DDX60L: variants seen among roughly 807,000 people sequenced by gnomAD.
DDX60L encodes the protein probable ATP-dependent RNA helicase DDX60-like.
A neutral mutation model predicts 211.6 loss-of-function variants in DDX60L; 191 were observed. The observed-to-expected ratio is 0.90, with a 90% CI of 0.80 to 1.02. The LOEUF (loss-of-function observed/expected upper bound fraction) is 1.02. Ranked by LOEUF, DDX60L falls within the 50% of genes least tolerant of loss-of-function variation. The probability of loss-of-function intolerance (pLI) is 0.00; values close to 1 mark genes in which losing one functional copy is unlikely to be tolerated. For synonymous variants in DDX60L, 706 were observed against 694.1 expected, an observed-to-expected ratio of 1.02 and a Z score of -0.27; for missense variants, 2,007 against 1,984.1, an observed-to-expected ratio of 1.01 and a Z score of -0.22.
rs200166308 is a variant in DDX60L, at chr4:168,361,164, T to C, written c.4976A>G (p.Asn1659Ser). The C allele has an allele frequency of 1.1e-4, 176 of 1,608,064 alleles. No homozygotes were observed. The highest frequency in any genetic ancestry group is 3.3e-4 in the Middle Eastern group (2 of 6,064). ...LLKCLKDFAF[N>S]IQAISDSLSE... The stretch of plus-strand genomic sequence containing the variant: ...TGAAACATACCTGATAGCCTGAATG[T>C]TGAATGCAAAATCTTTCAAACACTT... The change falls in exon 37 of 38, where the codon AAC becomes AGC. Residue 1659 changes from asparagine (N) to serine (S), a missense_variant. By Grantham distance (46) the Asn-to-Ser change is conservative. Coordinates refer to ENST00000682922, the MANE Select transcript of DDX60L (RefSeq NM_001012967.3).
At chr4:168,431,678 T>A (rs1752379767) in intron 12 of DDX60L, among the ~76,000 whole-genome samples, 2 of 151,858 alleles carry the variant, frequency 1.3e-5, no homozygotes, top group African/African-American at 4.8e-5. Context: ...ATTGTGCACA[T>A]GTACCCTAAA....
chr4:168,404,093 A>T lies in DDX60L; in HGVS notation c.3227T>A (p.Leu1076Gln), dbSNP rs1747319571. Reference sequence around the variant, plus strand: ...CAATGAATCCGGACTAAGGTTCTTCAGTACTCTTTTGACCTACAACAGTAA... The same window carrying T: ...CAATGAATCCGGACTAAGGTTCTTCTGTACTCTTTTGACCTACAACAGTAA... The part of the protein sequence containing the change: ...NGQVKKVKRV[L>Q]KNLSPDSLSS... Residue 1076 changes from leucine to glutamine, a missense_variant, in exon 25 of 38, where the codon CTG (leucine) becomes CAG (glutamine). By Grantham distance (113) the Leu-to-Gln change is moderately radical (BLOSUM62 -2). Coordinates refer to ENST00000682922, the MANE Select transcript of DDX60L (RefSeq NM_001012967.3). 7.2e-7 allele frequency: 1 copy of T among 1,390,540 alleles called. No individual in the cohort carries two copies. Among genetic ancestry groups the T allele is most frequent in the South Asian group, 1.8e-5 (1 of 54,482 alleles). 86.1% of individuals were successfully genotyped at this position (1,390,540 alleles called of 1,614,324 possible).
At chr4:168,358,894 A>G (rs1166222268) in intron 37 of DDX60L, among the ~76,000 whole-genome samples, 1 of 152,206 alleles carries the variant, frequency 6.6e-6, no homozygotes, top group African/African-American at 2.4e-5. Flanking sequence ...CTTAGAACCT[A>G]GAAGTGTTAT....
intron 34 of DDX60L, among the ~76,000 whole-genome samples, chr4:168,374,270 C>A (rs1445902789): frequency 6.6e-6 from 1 of 152,116 alleles, no homozygotes; most frequent in African/African-American, 2.4e-5. Context: ...TCCTTGCTTC[C>A]ACCATTATTG....
intron 28 of DDX60L, among the ~76,000 whole-genome samples, chr4:168,394,109 T>C (rs759786825): frequency 2.0e-5 from 3 of 151,796 alleles, no homozygotes; most frequent in Non-Finnish European, 2.9e-5. Context: ...AGTAGGAAAA[T>C]TGATTGACGC....
At chr4:168,375,126 T>C (rs1741715078) in intron 34 of DDX60L, among the ~76,000 whole-genome samples, 1 of 147,784 alleles carries the variant, frequency 6.8e-6, no homozygotes, top group Non-Finnish European at 1.5e-5. Context: ...CATGAATGAC[T>C]TTTATTTTTT....
intron 36 of DDX60L, among the ~76,000 whole-genome samples, chr4:168,367,550 G>T (rs1224761786): frequency 6.6e-6 from 1 of 152,164 alleles, no homozygotes; most frequent in African/African-American, 2.4e-5. Context: ...ACAGTAAATT[G>T]GTACCAGTAG....
intron 12 of DDX60L, among the ~76,000 whole-genome samples, chr4:168,431,176 C>T (rs1380735565): frequency 1.3e-5 from 2 of 152,160 alleles, no homozygotes; most frequent in African/African-American, 2.4e-5. Flanking sequence ...TAGGAGCTTA[C>T]AGCTGACAGA....
Position 168,381,586 on chromosome 4 carries a change from TAA to T in DDX60L, c.4117-1758_4117-1757del, listed in dbSNP as rs5863928. 2.3e-4 allele frequency among the ~76,000 whole-genome samples: 35 copies of T among 149,820 alleles called. No individual in the cohort carries two copies. In the South Asian group the frequency reaches 2.7e-3, roughly 12 times the overall value. On this transcript the variant is annotated intron_variant, in intron 30 of 37. Coordinates refer to ENST00000682922, the MANE Select transcript of DDX60L (RefSeq NM_001012967.3). ...TATGATAAACACTATCAATTTTTTT[TAA>T]AAAAAAAAACTATAACTAGAAACTT...
intron 4 of DDX60L, chr4:168,468,864 C>G (rs554735191): frequency 6.6e-6 from 1 of 152,106 alleles, no homozygotes; most frequent in East Asian, 1.9e-4. Context: ...ATTCAATTTA[C>G]GGTAAGATCA....
At chr4:168,456,928 A>T (rs547743031) in intron 6 of DDX60L, among the ~76,000 whole-genome samples, 40 of 152,288 alleles carry the variant, frequency 2.6e-4, no homozygotes, top group African/African-American at 7.7e-4. Flanking sequence ...ATATATATAC[A>T]GTCTGGGCAT....
At chr4:168,433,323 T>C (rs1439360435) in intron 10 of DDX60L, among the ~76,000 whole-genome samples, 1 of 152,148 alleles carries the variant, frequency 6.6e-6, no homozygotes, top group Non-Finnish European at 1.5e-5. Flanking sequence ...ACCATTTACA[T>C]ATGTATGTAG....
intron 25 of DDX60L, among the ~76,000 whole-genome samples, chr4:168,402,395 C>T (rs1425440599): frequency 6.6e-6 from 1 of 151,354 alleles, no homozygotes; most frequent in Non-Finnish European, 1.5e-5. Context: ...TTTTTCAATC[C>T]CTCTGATAAT....
At chr4:168,450,776 G>A (rs574536135) in intron 8 of DDX60L, among the ~76,000 whole-genome samples, 1 of 152,238 alleles carries the variant, frequency 6.6e-6, no homozygotes, top group South Asian at 2.1e-4. Flanking sequence ...AGCCAGGCAT[G>A]GTGGCGTATA....
chr4:168,476,682 C>T (rs1057345596), intron 1 of DDX60L, among the ~76,000 whole-genome samples: 1 of 152,078 alleles, frequency 6.6e-6, no homozygotes, highest in Non-Finnish European at 1.5e-5. Flanking sequence ...TCATATGCAT[C>T]GGATCAGAGG....
intron 26 of DDX60L, among the ~76,000 whole-genome samples, chr4:168,398,968 C>A (rs2149764501): frequency 6.6e-6 from 1 of 152,324 alleles, no homozygotes; most frequent in Non-Finnish European, 1.5e-5. Context: ...GAGCAACCCA[C>A]TCCAGGGTCT....
At chr4:168,367,923 C>T (rs1740274042) in intron 36 of DDX60L, among the ~76,000 whole-genome samples, 1 of 152,132 alleles carries the variant, frequency 6.6e-6, no homozygotes, top group African/African-American at 2.4e-5. Flanking sequence ...TTCTAAGCAG[C>T]AAAGCATTCA....
chr4:168,393,897 A>C (rs1311100864), intron 28 of DDX60L, among the ~76,000 whole-genome samples: 3 of 152,114 alleles, frequency 2.0e-5, no homozygotes, highest in Non-Finnish European at 4.4e-5. Flanking sequence ...CTAAGTGTTA[A>C]AGAGTAAAGG....
intron 4 of DDX60L, among the ~76,000 whole-genome samples, chr4:168,468,271 T>C (rs1172582421): frequency 6.6e-6 from 1 of 152,012 alleles, no homozygotes; most frequent in Non-Finnish European, 1.5e-5. Context: ...AACCCAGCAA[T>C]ATATTAAAGA....
Sources: allele counts gnomAD v4.1 joint callset (sites outside exome capture counted in the v4.1 genomes callset), GRCh38; gene constraint gnomAD v4.1.1; transcripts MANE v1.5; gene names NCBI Gene and HGNC (gene_info 2026-07-23, HGNC 2026-07-21).